Variants in ZNF628 observed in about 807,000 individuals in gnomAD.
The protein encoded by ZNF628 is zinc finger protein 628.
In ZNF628, 3 loss-of-function variants were observed where a neutral mutation model predicts 2.5. That is an observed-to-expected ratio of 1.19 (90% confidence interval 0.54 to 3.07). ZNF628 has a LOEUF of 3.07. Ranked by LOEUF, ZNF628 falls within the 30% of genes most tolerant of loss-of-function variation. ZNF628 has a pLI of 0.03. For synonymous variants in ZNF628, 861 were observed against 717.1 expected, an observed-to-expected ratio of 1.20 and a Z score of -3.21; for missense variants, 1,610 against 1,517.1, an observed-to-expected ratio of 1.06 and a Z score of -1.02.
In ZNF628 at chr19:55,483,575, G is replaced by A. The variant is rs746800613; in HGVS notation, c.2382G>A (p.Gly794=). The part of the protein sequence containing the change: ...VQGAASAGAS[G]TGQSLIVLQN... ...GAGCGGCCAGCGCTGGGGCCAGCGGGACAGGGCAGAGCCTCATCGTTCTGC... is the reference window on the plus strand; with the variant it reads ...GAGCGGCCAGCGCTGGGGCCAGCGGAACAGGGCAGAGCCTCATCGTTCTGC... The change falls in exon 3 of 3, where the codon GGG becomes GGA. Residue 794 remains glycine (G), a synonymous_variant. Coordinates refer to ENST00000598519, the MANE Select transcript of ZNF628 (RefSeq NM_033113.3). The A allele has an allele frequency of 2.5e-6, 4 of 1,608,214 alleles. No individual in the cohort carries two copies. Among genetic ancestry groups the A allele is most frequent in the East Asian group, 2.2e-5 (1 of 44,814 alleles).
At position 55,483,678 on chromosome 19, in the gene ZNF628, G is replaced by A. The variant is rs371286782; in HGVS notation, c.2485G>A (p.Val829Ile). Residue 829 changes from valine to isoleucine, a missense_variant, in exon 3 of 3, where the codon GTA becomes ATA. This residue lies in a region of ZNF628 where 712 missense variants were observed against 603.6 expected (regional missense o/e 1.18). Transcript: ENST00000598519. The part of the protein sequence containing the change: ...QLQPLRPAPE[V>I]TTVQLQPAQE... ...CCAGCCCCTCCGACCAGCCCCAGAA[G>A]TAACCACGGTCCAGCTCCAGCCAGC... 9.3e-6 allele frequency: 15 copies of A among 1,613,492 alleles called. No individual in the cohort carries two copies. In the African/African-American group the frequency reaches 2.0e-4, roughly 22 times the overall value.
chr19:55,482,998 C>A lies in ZNF628; in HGVS notation c.1805C>A (p.Thr602Asn), dbSNP rs1293177836. ...TTCCGCTGCCCGCTCTGCCCCAAGACCTTCACCCACTCCTCCAACCTGCTG... is the reference window on the plus strand; with the variant it reads ...TTCCGCTGCCCGCTCTGCCCCAAGAACTTCACCCACTCCTCCAACCTGCTG... The part of the protein sequence containing the change: ...RPFRCPLCPK[T>N]FTHSSNLLLH... Residue 602 changes from threonine (T) to asparagine (N), a missense_variant, in exon 3 of 3, where the codon ACC becomes AAC. Physicochemically the swap from Thr to Asn is moderately conservative, Grantham distance 65. Coordinates refer to ENST00000598519, the MANE Select transcript of ZNF628 (RefSeq NM_033113.3). The A allele has an allele frequency of 6.2e-7, 1 of 1,612,102 alleles. No individual in the cohort carries two copies. The highest frequency in any genetic ancestry group is 1.3e-5 in the African/African-American group (1 of 75,016).
At chr19:55,477,167 T>TG (rs922411979) in intron 1 of ZNF628, among the ~76,000 whole-genome samples, 2 of 152,198 alleles carry the variant, frequency 1.3e-5, no homozygotes, top group African/African-American at 2.4e-5. Flanking sequence ...AAAGTGGAGA[T>TG]GGGGCTCCAG....
chr19:55,477,364 T>G (rs10432287), intron 1 of ZNF628, among the ~76,000 whole-genome samples: 2,120 of 50,312 alleles, frequency 0.042, 48 homozygotes, highest in African/African-American at 0.15. Context: ...TTTTTTTTTT[T>G]TTTTTTTTTT....
chr19:55,482,003 C>A lies in ZNF628; in HGVS notation c.810C>A (p.Ala270=). 6.8e-7 allele frequency: 1 copy of A among 1,465,348 alleles called. No homozygotes were observed. The highest frequency in any genetic ancestry group is 1.5e-5 in the African/African-American group (1 of 66,712). 90.8% of individuals were successfully genotyped at this position (1,465,348 alleles called of 1,614,324 possible). The change falls in exon 3 of 3, where the codon GCC becomes GCA. Residue 270 remains alanine (A), a synonymous_variant. Transcript: ENST00000598519. The part of the protein sequence containing the change: ...LQPHSPPAPP[A]PPPPPPPVVP... ...CCCACAGCCCGCCCGCGCCTCCCGCCCCGCCGCCCCCGCCCCCGCCCGTGG... is the reference window on the plus strand; with the variant it reads ...CCCACAGCCCGCCCGCGCCTCCCGCACCGCCGCCCCCGCCCCCGCCCGTGG...
In ZNF628 at chr19:55,478,054, G is replaced by C. The variant is rs376719758; in HGVS notation, c.-78+1247G>C. On this transcript the variant is annotated intron_variant, in intron 1 of 2. Transcript: ENST00000598519. ...ACTGCGGCTAAGACTCGGAGGTGCA[G>C]GAGTGAGCTTTGTGGACAGCGTAGA... Among the ~76,000 whole-genome samples, 3 of 151,952 alleles carry C rather than the reference G, an allele frequency of 2.0e-5. No individual in the cohort carries two copies. In the East Asian group the frequency reaches 5.8e-4, roughly 29 times the overall value.
At position 55,482,324 on chromosome 19, in the gene ZNF628, C is replaced by A. The variant is rs866726374; in HGVS notation, c.1131C>A (p.Ser377Arg). ...CTGGGCTCTCCCGCCACCAGCACAG[C>A]CACGGGGCTGCCGGCGGGCAAGCGT... ...TVAGLSRHQHSHGAAGGQAFR... is the reference protein window; with the variant it reads ...TVAGLSRHQHRHGAAGGQAFR... The change falls in exon 3 of 3, where the codon AGC becomes AGA. Residue 377 changes from serine (S) to arginine (R), a missense_variant. Physicochemically the swap from Ser to Arg is moderately radical, Grantham distance 110 (BLOSUM62 -1). This residue lies in a region of ZNF628 where 651 missense variants were observed against 575.6 expected (regional missense o/e 1.13). Coordinates refer to ENST00000598519, the MANE Select transcript of ZNF628 (RefSeq NM_033113.3). The A allele has an allele frequency of 3.4e-6, 5 of 1,461,278 alleles. No individual in the cohort carries two copies. The African/African-American group carries it at 5.9e-5, about 17-fold the overall frequency. The allele number at this position is 1,461,278 out of a possible 1,614,324, so 90.5% of individuals were successfully genotyped here.
In ZNF628 at chr19:55,482,307, T is replaced by C; in HGVS notation, c.1114T>C (p.Ser372Pro). The change falls in exon 3 of 3, where the codon TCC becomes CCC. Residue 372 changes from serine to proline, a missense_variant. Transcript: ENST00000598519. ...GKSFRTVAGL[S>P]RHQHSHGAAG... ...GTCCTTCCGGACGGTGGCTGGGCTCTCCCGCCACCAGCACAGCCACGGGGC... is the reference window on the plus strand; with the variant it reads ...GTCCTTCCGGACGGTGGCTGGGCTCCCCCGCCACCAGCACAGCCACGGGGC... The C allele has an allele frequency of 1.4e-6, 2 of 1,468,092 alleles. No homozygotes were observed. Among genetic ancestry groups the C allele is most frequent in the Admixed American group, 2.4e-5 (1 of 41,714 alleles). 90.9% of individuals were successfully genotyped at this position (1,468,092 alleles called of 1,614,324 possible). A position where few individuals can be genotyped will look rare whatever the true frequency, so the allele number is the denominator to read the frequency against.
At chr19:55,478,378 C>T (rs532267810) in intron 1 of ZNF628, among the ~76,000 whole-genome samples, 6 of 152,254 alleles carry the variant, frequency 3.9e-5, no homozygotes, top group South Asian at 2.1e-4. Flanking sequence ...GAGCGAGTGG[C>T]GGGCACAGGT....
chr19:55,483,057 T>G lies in ZNF628; in HGVS notation c.1864T>G (p.Phe622Val). 1 of 1,611,168 alleles carries G rather than the reference T, an allele frequency of 6.2e-7. No homozygotes were observed. Among genetic ancestry groups the G allele is most frequent in the Non-Finnish European group, 8.5e-7 (1 of 1,179,468 alleles). Residue 622 changes from phenylalanine to valine, a missense_variant, in exon 3 of 3, where the codon TTC (phenylalanine) becomes GTC (valine). Transcript: ENST00000598519. ...HQRTHSAERP[F>V]TCPICGRGFV... The stretch of plus-strand genomic sequence containing the variant: ...GCGCACGCACTCGGCGGAGCGCCCC[T>G]TCACCTGCCCCATCTGCGGTCGCGG...
chr19:55,481,944 G>C lies in ZNF628; in HGVS notation c.751G>C (p.Val251Leu), dbSNP rs1341970915. The C allele has an allele frequency of 2.0e-6, 3 of 1,476,132 alleles. No homozygotes were observed. In the South Asian group the frequency reaches 3.9e-5, roughly 19 times the overall value. 91.4% of individuals were successfully genotyped at this position (1,476,132 alleles called of 1,614,324 possible). ...PQSREPGKVFVCDAYLQRHLQ... is the reference protein window; with the variant it reads ...PQSREPGKVFLCDAYLQRHLQ... ...GTCCCGGGAGCCCGGCAAGGTCTTC[G>C]TGTGCGACGCCTACCTGCAGCGGCA... The change falls in exon 3 of 3, where the codon GTG (valine) becomes CTG (leucine). Residue 251 changes from valine (V) to leucine (L), a missense_variant. By Grantham distance (32) the Val-to-Leu change is conservative. Transcript: ENST00000598519.
At position 55,484,468 on chromosome 19, in the gene ZNF628, A is replaced by G; in HGVS notation, c.*95A>G. 4 of 1,103,130 alleles carry G rather than the reference A, an allele frequency of 3.6e-6. No individual in the cohort carries two copies. The highest frequency in any genetic ancestry group is 5.0e-6 in the Non-Finnish European group (4 of 806,744). The allele number at this position is 1,103,130 out of a possible 1,614,324, so 68.3% of individuals were successfully genotyped here. ...GTGCCGCAGGCTGGGCTTGCTAATA[A>G]AGACCCGAGTCTCCCCGCCTGTGTT... On this transcript the variant is annotated 3_prime_UTR_variant, in exon 3 of 3. Coordinates refer to ENST00000598519, the MANE Select transcript of ZNF628 (RefSeq NM_033113.3).
chr19:55,483,195 G>A lies in ZNF628; in HGVS notation c.2002G>A (p.Ala668Thr). Residue 668 changes from alanine to threonine, a missense_variant, in exon 3 of 3, where the codon GCT becomes ACT. Coordinates refer to ENST00000598519, the MANE Select transcript of ZNF628 (RefSeq NM_033113.3). ...CCCCCAGCCCCCTGCTCCACTGGCT[G>A]CTGCGCGGGCCCCGCCAGCCACCCA... ...AGPQPPAPLA[A>T]ARAPPATQDV... The A allele has an allele frequency of 1.3e-6, 2 of 1,546,014 alleles. No individual in the cohort carries two copies. Among genetic ancestry groups the A allele is most frequent in the Non-Finnish European group, 1.7e-6 (2 of 1,153,028 alleles).
At chr19:55,477,353 GTTTTTTTTT>G (rs60568698) in intron 1 of ZNF628, among the ~76,000 whole-genome samples, 2 of 146,856 alleles carry the variant, frequency 1.4e-5, no homozygotes, top group East Asian at 2.2e-4. Flanking sequence ...CAGTAGGTTT[GTTTTTTTTT>G]TTTTTTTTTT....
At position 55,483,965 on chromosome 19, in the gene ZNF628, T is replaced by C. The variant is rs1412804496; in HGVS notation, c.2772T>C (p.Phe924=). 5 of 1,573,898 alleles carry C rather than the reference T, an allele frequency of 3.2e-6. No individual in the cohort carries two copies. The East Asian group carries it at 9.1e-5, about 29-fold the overall frequency. ...ASTGVVQDVL[F]ETLQTDEGLQ... is the part of the protein sequence containing the mutation. The stretch of plus-strand genomic sequence containing the variant: ...CTGGTGTGGTCCAGGATGTCCTCTT[T>C]GAGACACTCCAGACGGACGAGGGCT... The change falls in exon 3 of 3, where the codon TTT becomes TTC. Residue 924 remains phenylalanine, a synonymous_variant. Coordinates refer to ENST00000598519, the MANE Select transcript of ZNF628 (RefSeq NM_033113.3).
chr19:55,480,494 C>T (rs1420146659), intron 2 of ZNF628, among the ~76,000 whole-genome samples: 1 of 152,074 alleles, frequency 6.6e-6, no homozygotes, highest in Admixed American at 6.5e-5. Flanking sequence ...GATCTTGGCT[C>T]ACTGAAACCT....
rs778358728 is a variant in ZNF628 at position 55,483,311 on chromosome 19, G to T, written c.2118G>T (p.Ala706=). 1 of 1,528,828 alleles carries T rather than the reference G, an allele frequency of 6.5e-7. No homozygotes were observed. The highest frequency in any genetic ancestry group is 1.2e-5 in the South Asian group (1 of 82,116). 94.7% of individuals were successfully genotyped at this position (1,528,828 alleles called of 1,614,324 possible). A position where few individuals can be genotyped will look rare whatever the true frequency, so the allele number is the denominator to read the frequency against. Residue 706 remains alanine (A), a synonymous_variant, in exon 3 of 3, where the codon GCG becomes GCT. Coordinates refer to ENST00000598519, the MANE Select transcript of ZNF628 (RefSeq NM_033113.3). ...TAQAPSLGPA[A]PNSQTFLLVQ... ...AGGCCCCGAGCTTGGGGCCAGCAGC[G>T]CCCAACTCTCAGACGTTCCTCCTGG...
In ZNF628 at chr19:55,479,351, CTT is replaced by C. The variant is rs1986643711; in HGVS notation, c.-77-482_-77-481del. ...TGCGCTGGGAAAGAGCGGGCTGACACTTGAGCTGCTCTGCTGTGAAGGAATGG... is the reference window on the plus strand; with the variant it reads ...TGCGCTGGGAAAGAGCGGGCTGACACGAGCTGCTCTGCTGTGAAGGAATGG... On this transcript the variant is annotated intron_variant, in intron 1 of 2. Transcript: ENST00000598519. The surrounding 1 kb of genome is among the most constrained non-coding windows in gnomAD (Gnocchi z 5.1). 6.6e-6 allele frequency among the ~76,000 whole-genome samples: 1 copy of C among 152,300 alleles called. No homozygotes were observed. Among genetic ancestry groups the C allele is most frequent in the East Asian group, 1.9e-4 (1 of 5,186 alleles).
In ZNF628 at chr19:55,481,452, A is replaced by G; in HGVS notation, c.259A>G (p.Thr87Ala). 6.2e-7 allele frequency: 1 copy of G among 1,612,794 alleles called. No individual in the cohort carries two copies. The highest frequency in any genetic ancestry group is 8.5e-7 in the Non-Finnish European group (1 of 1,179,654). ...SALLYHQRGH[T>A]GERPYQCPDC... ...CCTGCTCTACCACCAGCGAGGCCAC[A>G]CGGGCGAGCGGCCCTACCAGTGCCC... is the stretch of plus-strand genomic sequence containing the variant. The change falls in exon 3 of 3, where the codon ACG becomes GCG. Residue 87 changes from threonine to alanine, a missense_variant. Coordinates refer to ENST00000598519, the MANE Select transcript of ZNF628 (RefSeq NM_033113.3).
Sources: gnomAD v4.1 joint callset for allele counts (sites outside exome capture counted in the v4.1 genomes callset) on GRCh38, gnomAD v4.1.1 for gene constraint, gnomAD v4.1.1 regional missense constraint, Gnocchi (gnomAD v3.1) non-coding constraint, MANE v1.5 for transcripts, NCBI Gene and HGNC (gene_info 2026-07-23, HGNC 2026-07-21) for gene names.